XPA: variants seen among roughly 807,000 people sequenced by gnomAD.
The protein encoded by XPA is DNA repair protein complementing XP-A cells.
In XPA, 27 loss-of-function variants were observed where a neutral mutation model predicts 35.7. The observed-to-expected ratio is 0.76, with a 90% confidence interval of 0.56 to 1.04. The LOEUF (loss-of-function observed/expected upper bound fraction) is 1.04, where lower values mean the gene tolerates loss of function less well. Among genes scored for constraint, XPA ranks in the 50% least tolerant of loss-of-function variants. XPA has a pLI of 0.00. For missense variants in XPA, 354 were observed against 342.7 expected (o/e 1.03, Z -0.26); for synonymous variants, 133 against 118.4 (o/e 1.12, Z -0.80).
chr9:97,657,858 T>C, the XPA span, among the ~76,000 whole-genome samples: 1 of 148,578 alleles, frequency 6.7e-6, no homozygotes, highest in Non-Finnish European at 1.5e-5. Context: ...AAATTGTCCC[T>C]GGTATGTACA....
the XPA span, among the ~76,000 whole-genome samples, chr9:97,666,346 A>G: frequency 0.12 from 17,953 of 152,226 alleles, 3,005 homozygotes; most frequent in African/African-American, 0.37. Context: ...TAGTTAAATA[A>G]TATAAAGCAT....
chr9:97,669,184 G>T, the XPA span, among the ~76,000 whole-genome samples: 18 of 149,426 alleles, frequency 1.2e-4, no homozygotes, highest in Admixed American at 9.3e-4. Flanking sequence ...TAGTATTCTC[G>T]CATGAGCATT....
At chr9:97,680,303 G>A (rs1161463447) in intron 5 of XPA, among the ~76,000 whole-genome samples, 2 of 152,118 alleles carry the variant, frequency 1.3e-5, no homozygotes, top group East Asian at 3.9e-4. Context: ...CCACTTCCCA[G>A]GTTCAAGCAA....
At chr9:97,655,319 T>G in the XPA span, among the ~76,000 whole-genome samples, 3 of 152,188 alleles carry the variant, frequency 2.0e-5, no homozygotes, top group Admixed American at 1.3e-4. Context: ...CAAGCAATCC[T>G]CCTGCCTTAG....
chr9:97,676,378 C>A (rs1828365026), intron 5 of XPA, among the ~76,000 whole-genome samples: 1 of 152,146 alleles, frequency 6.6e-6, no homozygotes, highest in African/African-American at 2.4e-5. Flanking sequence ...TGAAAGCAAC[C>A]AAGTAAATCA....
At chr9:97,679,614 G>A (rs1828475347) in intron 5 of XPA, among the ~76,000 whole-genome samples, 1 of 152,050 alleles carries the variant, frequency 6.6e-6, no homozygotes, top group Admixed American at 6.6e-5. Context: ...AACAATTACA[G>A]AAAGTGAAAG....
chr9:97,666,443 T>C, the XPA span, among the ~76,000 whole-genome samples: 1 of 152,232 alleles, frequency 6.6e-6, no homozygotes, highest in Non-Finnish European at 1.5e-5. Flanking sequence ...TGTATTTCCA[T>C]TTTTAATGTT....
chr9:97,660,830 G>C, the XPA span: 2 of 1,202,756 alleles, frequency 1.7e-6, no homozygotes, highest in Admixed American at 5.0e-5. Flanking sequence ...GGGATAAAGA[G>C]CATCCTATTT....
At chr9:97,676,746 A>G (rs1380819378) in intron 5 of XPA, among the ~76,000 whole-genome samples, 1 of 152,202 alleles carries the variant, frequency 6.6e-6, no homozygotes, top group East Asian at 1.9e-4. Flanking sequence ...CAGAGAAGTT[A>G]TAAGTTGCTC....
chr9:97,687,034 T>C (rs1218857655), intron 4 of XPA, 62 bp downstream of exon 4: 3 of 1,542,016 alleles, frequency 1.9e-6, no homozygotes, highest in African/African-American at 1.4e-5. Context: ...AAACCAATTA[T>C]GACTAGTTTG....
At chr9:97,691,063 G>A (rs1050133015) in intron 2 of XPA, among the ~76,000 whole-genome samples, 1 of 152,086 alleles carries the variant, frequency 6.6e-6, no homozygotes, top group Non-Finnish European at 1.5e-5. Flanking sequence ...GAGTGGTAGG[G>A]CAAAAAGGGA....
intron 5 of XPA, among the ~76,000 whole-genome samples, chr9:97,677,875 A>G (rs905048870): frequency 2.6e-5 from 4 of 152,098 alleles, no homozygotes; most frequent in African/African-American, 9.7e-5. Flanking sequence ...CAGCAACAGT[A>G]ATGGGAATTA....
the XPA span, chr9:97,666,860 G>C: frequency 6.2e-7 from 1 of 1,605,892 alleles, no homozygotes; most frequent in Admixed American, 1.7e-5. Flanking sequence ...AGAGAAACTT[G>C]CTAGGCAACA....
chr9:97,658,705 A>G, the XPA span: 4 of 1,612,884 alleles, frequency 2.5e-6, no homozygotes, highest in South Asian at 4.4e-5. Flanking sequence ...TGTCCTGCAA[A>G]CCCAACCTGC....
intron 4 of XPA, among the ~76,000 whole-genome samples, chr9:97,685,469 C>A (rs1200524374): frequency 6.6e-6 from 1 of 152,140 alleles, no homozygotes. Flanking sequence ...CCTTCAAGAT[C>A]AATAATTGTC....
At chr9:97,656,135 C>T in the XPA span, 4 of 1,396,702 alleles carry the variant, frequency 2.9e-6, no homozygotes, top group Admixed American at 1.7e-5. Context: ...GGATTTCTTT[C>T]TCTTCTCTGC....
chr9:97,695,921 G>A (rs1829029213), intron 1 of XPA, among the ~76,000 whole-genome samples: 1 of 152,136 alleles, frequency 6.6e-6, no homozygotes, highest in South Asian at 2.1e-4. Context: ...TTTAATGTCA[G>A]TTTTTGCTAT....
chr9:97,690,339 TA>T (rs1828848612), intron 2 of XPA, among the ~76,000 whole-genome samples: 3 of 152,224 alleles, frequency 2.0e-5, no homozygotes, highest in Non-Finnish European at 4.4e-5. Context: ...GCCTCCCAAG[TA>T]GCTGGGATTA....
At chr9:97,683,821 T>C (rs1828621512) in intron 5 of XPA, among the ~76,000 whole-genome samples, 1 of 150,634 alleles carries the variant, frequency 6.6e-6, no homozygotes, top group Non-Finnish European at 1.5e-5. Context: ...CAATTTTTGG[T>C]TTTGCTTTTT....
Sources: allele counts gnomAD v4.1 joint callset (sites outside exome capture counted in the v4.1 genomes callset), GRCh38; gene constraint gnomAD v4.1.1; transcripts MANE v1.5; gene names NCBI Gene and HGNC (gene_info 2026-07-23, HGNC 2026-07-21).